The following MLLT1 variants were observed in gnomAD, a reference collection of about 807,000 sequenced individuals.
MLLT1 encodes MLLT1 super elongation complex subunit, also known as protein ENL.
A neutral mutation model predicts 55.1 loss-of-function variants in MLLT1; 11 were observed. The ratio of observed to expected loss-of-function variants is 0.20; its 90% confidence interval spans 0.13 to 0.33. The LOEUF is 0.33. Ranked by LOEUF, MLLT1 falls within the 10% of genes least tolerant of loss-of-function variation. The pLI is 1.00. For synonymous variants in MLLT1, 323 were observed against 320.1 expected, an observed-to-expected ratio of 1.01 and a Z score of -0.10; for missense variants, 536 against 760.6, an observed-to-expected ratio of 0.70 and a Z score of 3.47.
chr19:6,214,770 C>T (rs1027104371), intron 8 of MLLT1, among the ~76,000 whole-genome samples: 3 of 152,208 alleles, frequency 2.0e-5, no homozygotes, highest in Non-Finnish European at 4.4e-5. Context: ...ACCATCACTT[C>T]ACAACACGTT....
At position 6,262,137 on chromosome 19, in the gene MLLT1, AG is replaced by A. The variant is rs1392036487; in HGVS notation, c.276+90del. 7.2e-6 allele frequency: 7 copies of A among 977,868 alleles called. No individual in the cohort carries two copies. The highest frequency in any genetic ancestry group is 1.6e-5 in the African/African-American group (1 of 62,836). 60.6% of individuals were successfully genotyped at this position (977,868 alleles called of 1,614,324 possible). A position where few individuals can be genotyped will look rare whatever the true frequency, so the allele number is the denominator to read the frequency against. On this transcript the variant is annotated intron_variant, in intron 3 of 11. Coordinates refer to ENST00000252674, the MANE Select transcript of MLLT1 (RefSeq NM_005934.4). The surrounding 1 kb of genome is among the most constrained non-coding windows in gnomAD (Gnocchi z 4.4). ...GAATGTCTGTGCATGGGCAGCGGCCAGTTCTCTGGCCTGTTTTGTGAACTGC... is the reference window on the plus strand; with the variant it reads ...GAATGTCTGTGCATGGGCAGCGGCCATTCTCTGGCCTGTTTTGTGAACTGC...
chr19:6,254,801 C>T (rs1456796914), intron 3 of MLLT1, among the ~76,000 whole-genome samples: 3 of 152,146 alleles, frequency 2.0e-5, no homozygotes, highest in Non-Finnish European at 2.9e-5. Context: ...AGGAACCACG[C>T]GGGATGCCCA....
chr19:6,217,815 C>T (rs2090859643), intron 7 of MLLT1, 139 bp downstream of exon 7: 2 of 1,261,724 alleles, frequency 1.6e-6, no homozygotes, highest in Non-Finnish European at 2.1e-6. Context: ...TAGACTCCCC[C>T]AGGCCACCAA....
chr19:6,256,254 T>TAAATAAATAAATA lies in MLLT1; in HGVS notation c.276+5973_276+5974insTATTTATTTATTT, dbSNP rs776012193. Among the ~76,000 whole-genome samples, 90 of 148,402 alleles carry TAAATAAATAAATA rather than the reference T, an allele frequency of 6.1e-4. 1 individual carries two copies. Among genetic ancestry groups the TAAATAAATAAATA allele is most frequent in the South Asian group, 4.3e-3 (20 of 4,674 alleles). On this transcript the variant is annotated intron_variant, in intron 3 of 11. Transcript: ENST00000252674. This position sits in a 1 kb window ranked among gnomAD's most constrained non-coding sequence, Gnocchi z 4.1. ...ATAAATAAATAAATAAATAAATAAA[T>TAAATAAATAAATA]AAAAAGACCAGCCTGGGCAACACAA...
chr19:6,260,546 G>A (rs190199867), intron 3 of MLLT1, among the ~76,000 whole-genome samples: 19 of 152,362 alleles, frequency 1.2e-4, no homozygotes, highest in African/African-American at 3.4e-4. Context: ...ACCTGCCTCC[G>A]AATCCACGGG....
chr19:6,253,065 C>A (rs563677699), intron 3 of MLLT1, among the ~76,000 whole-genome samples: 2 of 151,576 alleles, frequency 1.3e-5, no homozygotes, highest in Non-Finnish European at 2.9e-5. Context: ...AGATCGAGAC[C>A]ATCCTGGCTA....
intron 2 of MLLT1, among the ~76,000 whole-genome samples, chr19:6,266,573 C>T (rs148748105): frequency 0.022 from 3,411 of 152,208 alleles, 142 homozygotes; most frequent in African/African-American, 0.078. Flanking sequence ...TTTCCTGCCT[C>T]GGCCTCCCGA....
At chr19:6,245,839 G>A (rs921077127) in intron 3 of MLLT1, among the ~76,000 whole-genome samples, 2 of 152,220 alleles carry the variant, frequency 1.3e-5, no homozygotes, top group African/African-American at 4.8e-5. Context: ...ACAGAGCTGT[G>A]TGAGCTGTGA....
intron 8 of MLLT1, among the ~76,000 whole-genome samples, chr19:6,215,309 T>C (rs1000321270): frequency 3.3e-5 from 5 of 152,236 alleles, no homozygotes; most frequent in African/African-American, 1.2e-4. Flanking sequence ...CGTCAGCCTC[T>C]CTGCGCTCAC....
intron 3 of MLLT1, among the ~76,000 whole-genome samples, chr19:6,244,921 A>G (rs963733820): frequency 1.3e-5 from 2 of 152,354 alleles, no homozygotes; most frequent in East Asian, 3.9e-4. Context: ...GACGGCTATA[A>G]TCAAAAAGGC....
rs952633303 is a variant in MLLT1, at chr19:6,231,212, C to G, written c.277-499G>C. Among the ~76,000 whole-genome samples the G allele has an allele frequency of 6.6e-6, 1 of 152,202 alleles. No homozygotes were observed. Among genetic ancestry groups the G allele is most frequent in the Non-Finnish European group, 1.5e-5 (1 of 68,038 alleles). On this transcript the variant is annotated intron_variant, in intron 3 of 11. Coordinates refer to ENST00000252674, the MANE Select transcript of MLLT1 (RefSeq NM_005934.4). This position sits in a 1 kb window ranked among gnomAD's most constrained non-coding sequence, Gnocchi z 5.1. ...CAGAGGGGGCAAAAGTACAAGGTCA[C>G]GACCCAGTTTCCAGGAGGCTCTGTC...
intron 2 of MLLT1, among the ~76,000 whole-genome samples, chr19:6,269,020 AG>A (rs1203480750): frequency 6.6e-6 from 1 of 152,156 alleles, no homozygotes; most frequent in African/African-American, 2.4e-5. Flanking sequence ...GACAGAGAAA[AG>A]GGGAGGGGTG....
rs142072709 is a variant in MLLT1, at chr19:6,274,626, G to C, written c.13-3867C>G. 2.8e-4 allele frequency among the ~76,000 whole-genome samples: 43 copies of C among 152,298 alleles called. No individual in the cohort carries two copies. In the East Asian group the frequency reaches 8.1e-3, roughly 29 times the overall value. On this transcript the variant is annotated intron_variant, in intron 1 of 11. Coordinates refer to ENST00000252674, the MANE Select transcript of MLLT1 (RefSeq NM_005934.4). ...CCACTTTTTTGGAACCTCTGGAATAGACGGCTGGAAATGAGCCGGGGGGCT... is the reference window on the plus strand; with the variant it reads ...CCACTTTTTTGGAACCTCTGGAATACACGGCTGGAAATGAGCCGGGGGGCT...
intron 3 of MLLT1, among the ~76,000 whole-genome samples, chr19:6,250,186 G>C (rs1162822695): frequency 6.6e-6 from 1 of 152,124 alleles, no homozygotes; most frequent in Non-Finnish European, 1.5e-5. Context: ...ATCAGGGAAA[G>C]GTGAATCAAA....
At position 6,229,609 on chromosome 19, in the gene MLLT1, C is replaced by T. The variant is rs1445737816; in HGVS notation, c.420+961G>A. Among the ~76,000 whole-genome samples the T allele has an allele frequency of 6.6e-6, 1 of 151,952 alleles. No homozygotes were observed. Among genetic ancestry groups the T allele is most frequent in the Non-Finnish European group, 1.5e-5 (1 of 67,990 alleles). On this transcript the variant is annotated intron_variant, in intron 4 of 11. Coordinates refer to ENST00000252674, the MANE Select transcript of MLLT1 (RefSeq NM_005934.4). The surrounding 1 kb of genome is among the most constrained non-coding windows in gnomAD (Gnocchi z 5.2). ...CACACCACACACTTCCCGCAAGTGA[C>T]ACGACACACACGCCATGCACACACC...
At chr19:6,261,391 T>G (rs2091304251) in intron 3 of MLLT1, among the ~76,000 whole-genome samples, 2 of 152,092 alleles carry the variant, frequency 1.3e-5, no homozygotes, top group South Asian at 4.1e-4. Context: ...TGTGGAAAAG[T>G]GGAATGGCAG....
At chr19:6,274,679 C>T (rs1402128605) in intron 1 of MLLT1, among the ~76,000 whole-genome samples, 2 of 152,184 alleles carry the variant, frequency 1.3e-5, no homozygotes, top group Non-Finnish European at 2.9e-5. Flanking sequence ...CACTTCCCTG[C>T]ACCTCTGGGA....
At chr19:6,251,051 A>G (rs1168351348) in intron 3 of MLLT1, among the ~76,000 whole-genome samples, 1 of 152,160 alleles carries the variant, frequency 6.6e-6, no homozygotes, top group Non-Finnish European at 1.5e-5. Context: ...CCCATCCACC[A>G]AGACACAATA....
In MLLT1 at chr19:6,251,555, G is replaced by GA. The variant is rs202232079; in HGVS notation, c.276+10672dup. On this transcript the variant is annotated intron_variant, in intron 3 of 11. Coordinates refer to ENST00000252674, the MANE Select transcript of MLLT1 (RefSeq NM_005934.4). ...CAAAAAAGAAAGGAACAGTGAGTTA[G>GA]AAAAAAGAATAAAGAAGAACCAAAC... Among the ~76,000 whole-genome samples, 426 of 152,278 alleles carry GA rather than the reference G, an allele frequency of 2.8e-3. 6 individuals are homozygous for GA. Among genetic ancestry groups the GA allele is most frequent in the East Asian group, 0.012 (62 of 5,178 alleles).
Sources: gnomAD v4.1 joint callset for allele counts (sites outside exome capture counted in the v4.1 genomes callset) on GRCh38, gnomAD v4.1.1 for gene constraint, Gnocchi (gnomAD v3.1) non-coding constraint, MANE v1.5 for transcripts, NCBI Gene and HGNC (gene_info 2026-07-23, HGNC 2026-07-21) for gene names.